Variants in TTC27 observed in about 807,000 individuals in gnomAD.
The protein encoded by TTC27 is tetratricopeptide repeat domain 27.
TTC27 carries 79 observed loss-of-function variants against 115.9 expected under a neutral mutation model. The ratio of observed to expected loss-of-function variants is 0.68; its 90% CI spans 0.57 to 0.82. The LOEUF (loss-of-function observed/expected upper bound fraction) is 0.82, where lower values mean the gene tolerates loss of function less well. TTC27 is among the 40% of genes least tolerant of loss of function. The pLI, the probability that TTC27 is intolerant of heterozygous loss-of-function variation, is 0.00. For synonymous variants in TTC27, 401 were observed against 356.0 expected, an observed-to-expected ratio of 1.13 and a Z score of -1.42; for missense variants, 1,054 against 993.1, an observed-to-expected ratio of 1.06 and a Z score of -0.82.
At chr2:32,723,728 C>CCTTCCTTCCTTCCTTCCTTCCT (rs1553311541) in intron 10 of TTC27, among the ~76,000 whole-genome samples, 17 of 29,530 alleles carry the variant, frequency 5.8e-4, no homozygotes, top group African/African-American at 1.5e-3. Context: ...CCCTCCCTCC[C>CCTTCCTTCCTTCCTTCCTTCCT]TCCTTCCTTC....
intron 9 of TTC27, among the ~76,000 whole-genome samples, chr2:32,702,021 A>C (rs1330455886): frequency 1.5e-4 from 3 of 20,528 alleles, no homozygotes; most frequent in African/African-American, 5.0e-4. Flanking sequence ...AAAAAAAAAA[A>C]AAAACAAAAA....
chr2:32,657,171 G>T lies in TTC27; in HGVS notation c.640+6938G>T, dbSNP rs544894901. On this transcript the variant is annotated intron_variant, in intron 5 of 19. Coordinates refer to ENST00000317907, the MANE Select transcript of TTC27 (RefSeq NM_017735.5). ...CGGCTAATTTTTTGTATTTTCAGTA[G>T]AGACGGGGTTTCACTGTGTTAGCCA... 5.9e-5 allele frequency among the ~76,000 whole-genome samples: 9 copies of T among 151,590 alleles called. No homozygotes were observed. In the East Asian group the frequency reaches 1.8e-3, roughly 30 times the overall value.
chr2:32,650,074 TA>T, intron 4 of TTC27, 56 bp from the exon 5 acceptor site: 2 of 1,421,200 alleles, frequency 1.4e-6, no homozygotes, highest in Non-Finnish European at 1.9e-6. Context: ...TCAGTTAATG[TA>T]AAAAGAGTTT....
intron 14 of TTC27, chr2:32,780,173 A>C: frequency 2.4e-6 from 1 of 423,158 alleles, no homozygotes; most frequent in Non-Finnish European, 5.0e-6. Context: ...GCATTCCTTG[A>C]ATTTTCCTAT....
At chr2:32,714,881 GTCT>G (rs545210151) in intron 10 of TTC27, among the ~76,000 whole-genome samples, 3 of 152,132 alleles carry the variant, frequency 2.0e-5, no homozygotes, top group South Asian at 4.1e-4. Context: ...CTGTGCATAT[GTCT>G]TCTTTTGAAA....
intron 6 of TTC27, among the ~76,000 whole-genome samples, 169 bp downstream of exon 6, chr2:32,664,636 G>C (rs2151879476): frequency 6.6e-6 from 1 of 152,214 alleles, no homozygotes; most frequent in East Asian, 1.9e-4. Flanking sequence ...AATTTGAAAT[G>C]ATATATTTTC....
intron 14 of TTC27, among the ~76,000 whole-genome samples, chr2:32,778,496 T>C (rs1004408808): frequency 6.6e-5 from 10 of 152,180 alleles, no homozygotes; most frequent in African/African-American, 2.2e-4. Context: ...TCCCTATTTC[T>C]CTCCAAACAT....
chr2:32,758,937 G>C (rs1428410876), intron 13 of TTC27, among the ~76,000 whole-genome samples: 3 of 152,042 alleles, frequency 2.0e-5, no homozygotes, highest in Non-Finnish European at 4.4e-5. Context: ...ATATAGAATG[G>C]ATTCTTGATC....
At chr2:32,797,427 C>T (rs1485013502) in intron 16 of TTC27, among the ~76,000 whole-genome samples, 1 of 152,114 alleles carries the variant, frequency 6.6e-6, no homozygotes, top group East Asian at 1.9e-4. Context: ...GCCTGCCCGC[C>T]TCTGCTTCCC....
chr2:32,783,617 C>G (rs1015311319), intron 15 of TTC27, among the ~76,000 whole-genome samples: 3 of 152,108 alleles, frequency 2.0e-5, no homozygotes, highest in Admixed American at 1.3e-4. Context: ...TATCTGGTGG[C>G]AGTATATGAG....
At chr2:32,774,577 A>G (rs1317013106) in intron 13 of TTC27, among the ~76,000 whole-genome samples, 3 of 152,100 alleles carry the variant, frequency 2.0e-5, no homozygotes, top group African/African-American at 4.8e-5. Flanking sequence ...ATATACAACT[A>G]TGTTCTGAGG....
intron 4 of TTC27, among the ~76,000 whole-genome samples, chr2:32,642,639 G>T (rs1406092720): frequency 6.6e-6 from 1 of 151,952 alleles, no homozygotes; most frequent in East Asian, 1.9e-4. Flanking sequence ...GGAAGCCATT[G>T]TACTAGAGGT....
At chr2:32,685,818 C>G (rs924953900) in intron 9 of TTC27, among the ~76,000 whole-genome samples, 1 of 152,174 alleles carries the variant, frequency 6.6e-6, no homozygotes, top group African/African-American at 2.4e-5. Context: ...TGTCTGCTTT[C>G]TTCACTTGTC....
intron 10 of TTC27, among the ~76,000 whole-genome samples, chr2:32,732,070 C>G (rs1020882589): frequency 6.6e-6 from 1 of 151,948 alleles, no homozygotes; most frequent in Non-Finnish European, 1.5e-5. Context: ...CCAAAAAAAA[C>G]TGAATTGATA....
chr2:32,755,500 G>T (rs942791913), intron 12 of TTC27, among the ~76,000 whole-genome samples: 13 of 152,174 alleles, frequency 8.5e-5, no homozygotes, highest in Non-Finnish European at 1.9e-4. Flanking sequence ...GGAGAATCAG[G>T]CAGGGAGGTT....
At chr2:32,803,560 C>A (rs894339604) in intron 16 of TTC27, among the ~76,000 whole-genome samples, 2 of 152,204 alleles carry the variant, frequency 1.3e-5, no homozygotes, top group Non-Finnish European at 2.9e-5. Context: ...ACATGTTTTA[C>A]TGTACTTTTT....
chr2:32,719,399 G>A (rs1667851522), intron 10 of TTC27, among the ~76,000 whole-genome samples: 1 of 152,202 alleles, frequency 6.6e-6, no homozygotes, highest in Non-Finnish European at 1.5e-5. Context: ...AGGTATTGAG[G>A]TTGACTATAT....
Position 32,666,606 on chromosome 2 carries a change from C to A in TTC27, c.806-29C>A. ...TGTACAGTAGATCTCATGGGTAAGT[C>A]AGTAGATATAATTTTATTGTTTTTT... On this transcript the variant is annotated intron_variant, in intron 6 of 19. Transcript: ENST00000317907. 4 of 1,611,136 alleles carry A rather than the reference C, an allele frequency of 2.5e-6. No individual in the cohort carries two copies. In the South Asian group the frequency reaches 3.3e-5, roughly 13 times the overall value.
At chr2:32,679,079 C>G (rs1207849107) in intron 9 of TTC27, among the ~76,000 whole-genome samples, 157 bp downstream of exon 9, 1 of 152,140 alleles carries the variant, frequency 6.6e-6, no homozygotes, top group Non-Finnish European at 1.5e-5. Context: ...TCACATGTAT[C>G]TTGCTGCTGA....
Sources: allele counts gnomAD v4.1 joint callset (sites outside exome capture counted in the v4.1 genomes callset), GRCh38; gene constraint gnomAD v4.1.1; transcripts MANE v1.5; gene names NCBI Gene and HGNC (gene_info 2026-07-23, HGNC 2026-07-21).